The following SDK2 variants were observed in gnomAD, a reference collection of about 807,000 sequenced individuals.
The protein encoded by SDK2 is sidekick cell adhesion molecule 2.
In SDK2, 105 loss-of-function variants were observed where a neutral mutation model predicts 253.9. The ratio of observed to expected loss-of-function variants is 0.41; its 90% CI spans 0.35 to 0.49. SDK2 has a LOEUF of 0.49. Among genes scored for constraint, SDK2 ranks in the 20% least tolerant of loss-of-function variants. SDK2 has a pLI of 0.06. For missense variants in SDK2, 2,608 were observed against 3,003.0 expected, an observed-to-expected ratio of 0.87 and a Z score of 3.07; for synonymous variants, 1,249 against 1,234.9, an observed-to-expected ratio of 1.01 and a Z score of -0.24.
rs1048370034 is a variant in SDK2 at position 73,335,551 on chromosome 17, G to A, written c.*3036C>T. The A allele has an allele frequency of 6.6e-5, 10 of 152,268 alleles. No homozygotes were observed. Among genetic ancestry groups the A allele is most frequent in the African/African-American group, 2.2e-4 (9 of 41,454 alleles). 9.4% of individuals were successfully genotyped at this position (152,268 alleles called of 1,614,324 possible). Reference sequence around the variant, plus strand: ...GATATGTAAACAAGGGCAAAGAGACGTGTCCTGAAAAAATCTAGAGTTCCA... The same window carrying A: ...GATATGTAAACAAGGGCAAAGAGACATGTCCTGAAAAAATCTAGAGTTCCA... On this transcript the variant is annotated 3_prime_UTR_variant, in exon 45 of 45. Coordinates refer to ENST00000392650, the MANE Select transcript of SDK2 (RefSeq NM_001144952.2).
intron 1 of SDK2, among the ~76,000 whole-genome samples, chr17:73,599,018 G>A (rs184220092): frequency 2.6e-5 from 4 of 152,354 alleles, no homozygotes; most frequent in South Asian, 2.1e-4. Context: ...GGACTTTTCC[G>A]GGTAAGGAGC....
In SDK2 at chr17:73,391,461, C is replaced by G; in HGVS notation, c.3976G>C (p.Ala1326Pro). 7.6e-7 allele frequency: 1 copy of G among 1,309,606 alleles called. No individual in the cohort carries two copies. The allele number at this position is 1,309,606 out of a possible 1,614,324, so 81.1% of individuals were successfully genotyped here. ...SVRLIWQPPA[A>P]PNGIILAYQI... Reference sequence around the variant, plus strand: ...TTACCAAGAATGATGCCATTGGGGGCGGCAGGGGGCTGCCAGATCAGCCGC... The same window carrying G: ...TTACCAAGAATGATGCCATTGGGGGGGGCAGGGGGCTGCCAGATCAGCCGC... The change falls in exon 28 of 45, where the codon GCC becomes CCC. Residue 1326 changes from alanine (A) to proline (P), a missense_variant. Physicochemically the swap from Ala to Pro is conservative, Grantham distance 27 (BLOSUM62 -1). This residue lies in a region of SDK2 where 1,505 missense variants were observed against 1,859.1 expected (regional missense o/e 0.81). Coordinates refer to ENST00000392650, the MANE Select transcript of SDK2 (RefSeq NM_001144952.2).
In SDK2 at chr17:73,419,879, C is replaced by CAA. The variant is rs869121884; in HGVS notation, c.2046-575_2046-574dup. Among the ~76,000 whole-genome samples, 642 of 122,874 alleles carry CAA rather than the reference C, an allele frequency of 5.2e-3. 4 individuals are homozygous for CAA. Among genetic ancestry groups the CAA allele is most frequent in the African/African-American group, 0.018 (602 of 33,978 alleles). The allele number at this position is 122,874 out of a possible 152,430, so 80.6% of individuals were successfully genotyped here. On this transcript the variant is annotated intron_variant, in intron 15 of 44. Transcript: ENST00000392650. ...AGCCTGGGAAACAGAGACCCTGTCTCAAAAAAAAAAAAAAAATTAATGTAC... is the reference window on the plus strand; with the variant it reads ...AGCCTGGGAAACAGAGACCCTGTCTCAAAAAAAAAAAAAAAAAATTAATGTAC...
chr17:73,622,319 C>T (rs2046142798), intron 1 of SDK2, among the ~76,000 whole-genome samples: 1 of 152,240 alleles, frequency 6.6e-6, no homozygotes, highest in African/African-American at 2.4e-5. Context: ...GGCCCTCCCT[C>T]ATGCCCCCGT....
chr17:73,482,373 C>T (rs201371993), intron 2 of SDK2, among the ~76,000 whole-genome samples: 3 of 152,316 alleles, frequency 2.0e-5, no homozygotes, highest in East Asian at 1.9e-4. Flanking sequence ...GCTGCTCAGC[C>T]GAGGCACAAC....
intron 1 of SDK2, among the ~76,000 whole-genome samples, chr17:73,548,441 T>C (rs2045001338): frequency 6.6e-6 from 1 of 152,190 alleles, no homozygotes; most frequent in Admixed American, 6.5e-5. Flanking sequence ...TTCCTGCTGC[T>C]CTCTAAGCTC....
intron 1 of SDK2, among the ~76,000 whole-genome samples, chr17:73,594,270 C>T (rs1334396393): frequency 1.3e-5 from 2 of 152,110 alleles, no homozygotes; most frequent in Non-Finnish European, 2.9e-5. Context: ...CCCTTGACCC[C>T]CTCAGGCTGG....
chr17:73,470,057 T>G (rs1300355803), intron 3 of SDK2, among the ~76,000 whole-genome samples: 1 of 131,270 alleles, frequency 7.6e-6, no homozygotes, highest in Non-Finnish European at 1.6e-5. Context: ...CACACACAGG[T>G]AAACAAAGAG....
At chr17:73,370,481 G>A (rs1035307224) in intron 36 of SDK2, among the ~76,000 whole-genome samples, 2 of 151,956 alleles carry the variant, frequency 1.3e-5, no homozygotes, top group Non-Finnish European at 2.9e-5. Context: ...GGGCTCAAGC[G>A]ATCCAACCAC....
At chr17:73,386,345 T>G (rs1260628406) in intron 31 of SDK2, 100 bp downstream of exon 31, 1 of 875,554 alleles carries the variant, frequency 1.1e-6, no homozygotes, top group Non-Finnish European at 1.8e-6. Flanking sequence ...GTCCCACGCC[T>G]CTCTCATCTT....
chr17:73,517,488 A>G (rs1370969270), intron 1 of SDK2: 1 of 152,218 alleles, frequency 6.6e-6, no homozygotes, highest in African/African-American at 2.4e-5. Context: ...CGACGCATCT[A>G]CCAGCCAGGG....
chr17:73,597,698 T>C (rs2045779173), intron 1 of SDK2, among the ~76,000 whole-genome samples: 1 of 151,000 alleles, frequency 6.6e-6, no homozygotes, highest in Non-Finnish European at 1.5e-5. Context: ...CAGGCTGGAG[T>C]GCAGTGGCAC....
At chr17:73,614,102 C>G (rs1355972713) in intron 1 of SDK2, among the ~76,000 whole-genome samples, 1 of 151,852 alleles carries the variant, frequency 6.6e-6, no homozygotes, top group Non-Finnish European at 1.5e-5. Flanking sequence ...CCCCAGCCCT[C>G]GCTCCCTCCC....
At chr17:73,515,931 A>G (rs987796913) in intron 1 of SDK2, among the ~76,000 whole-genome samples, 3 of 152,216 alleles carry the variant, frequency 2.0e-5, no homozygotes, top group South Asian at 2.1e-4. Context: ...TTGGAGCCAC[A>G]GTGCTTGAAG....
chr17:73,387,837 T>C lies in SDK2; in HGVS notation c.4393A>G (p.Arg1465Gly). Reference protein sequence around the residue: ...SHNASSFIVDRLKPFTSYKFR... With the variant: ...SHNASSFIVDGLKPFTSYKFR... ...TGCTGGCATGGACCCGAGCCTTACCTGTCCACAATGAAGCTGGAGGCATTG... is the reference window on the plus strand; with the variant it reads ...TGCTGGCATGGACCCGAGCCTTACCCGTCCACAATGAAGCTGGAGGCATTG... The change falls in exon 30 of 45, where the codon AGG (arginine) becomes GGG (glycine). Residue 1465 changes from arginine (R) to glycine (G), a missense_variant and splice_region_variant. This residue lies in a region of SDK2 where 1,103 missense variants were observed against 1,143.9 expected (regional missense o/e 0.96). Transcript: ENST00000392650. The C allele has an allele frequency of 1.3e-6, 2 of 1,570,062 alleles. No homozygotes were observed. The highest frequency in any genetic ancestry group is 1.7e-6 in the Non-Finnish European group (2 of 1,156,148).
intron 21 of SDK2, 74 bp downstream of exon 21, chr17:73,400,946 C>A (rs7221062): frequency 0.63 from 898,886 of 1,423,096 alleles, 291,764 homozygotes; most frequent in Non-Finnish European, 0.68. Context: ...CCACGCCCAG[C>A]CGACAAGGGG....
chr17:73,593,087 G>A (rs192595296), intron 1 of SDK2, among the ~76,000 whole-genome samples: 2 of 152,136 alleles, frequency 1.3e-5, no homozygotes, highest in Admixed American at 1.3e-4. Flanking sequence ...TAAGCTTACC[G>A]CGCAAATGCC....
chr17:73,423,587 G>C, intron 13 of SDK2, 65 bp from the exon 14 acceptor site: 1 of 1,448,484 alleles, frequency 6.9e-7, no homozygotes. Context: ...GGGGCGCTGT[G>C]GACACAGGTT....
chr17:73,457,286 C>CCTTCCTT (rs2063534787), intron 3 of SDK2, among the ~76,000 whole-genome samples: 1 of 37,878 alleles, frequency 2.6e-5, no homozygotes, highest in African/African-American at 1.6e-4. Flanking sequence ...TTCCTTCCTT[C>CCTTCCTT]CCCCCTCCCT....
Sources: allele counts gnomAD v4.1 joint callset (sites outside exome capture counted in the v4.1 genomes callset), GRCh38; gene constraint gnomAD v4.1.1; regional missense constraint gnomAD v4.1.1; transcripts MANE v1.5; gene names NCBI Gene and HGNC (gene_info 2026-07-23, HGNC 2026-07-21).